PAH: variants seen among roughly 807,000 people sequenced by gnomAD.
PAH encodes phenylalanine-4-hydroxylase.
In PAH, 64 loss-of-function variants were observed where a neutral mutation model predicts 62.0. That is an observed-to-expected ratio of 1.03 (90% CI 0.84 to 1.27). The LOEUF is 1.27. Ranked by LOEUF, PAH falls within the 50% of genes most tolerant of loss-of-function variation. The pLI, the probability that PAH is intolerant of heterozygous loss-of-function variation, is 0.00. For missense variants in PAH, 579 were observed against 542.8 expected, an observed-to-expected ratio of 1.07 and a Z score of -0.66; for synonymous variants, 195 against 196.2, an observed-to-expected ratio of 0.99 and a Z score of 0.05.
chr12:102,926,060 C>T (rs899362113), intron 1 of PAH, among the ~76,000 whole-genome samples: 4 of 151,370 alleles, frequency 2.6e-5, no homozygotes, highest in African/African-American at 9.8e-5. Context: ...AAGTGCCAGG[C>T]ACTGTTTATG....
At chr12:102,862,448 C>T (rs1565851506) in intron 5 of PAH, among the ~76,000 whole-genome samples, 1 of 152,022 alleles carries the variant, frequency 6.6e-6, no homozygotes, top group Non-Finnish European at 1.5e-5. Flanking sequence ...CTAATGGGTG[C>T]TAGGCTTAAT....
upstream of PAH, among the ~76,000 whole-genome samples, chr12:102,951,640 C>T (rs1033567915): frequency 6.6e-6 from 1 of 152,130 alleles, no homozygotes; most frequent in Non-Finnish European, 1.5e-5. Flanking sequence ...TCCCCACCCC[C>T]GAGTTCCAAG....
chr12:102,840,104 A>T (rs1182127698), intron 12 of PAH, among the ~76,000 whole-genome samples: 2 of 152,140 alleles, frequency 1.3e-5, no homozygotes, highest in Non-Finnish European at 2.9e-5. Context: ...CGTAGAAGGG[A>T]TGGAGAGGCG....
intron 4 of PAH, among the ~76,000 whole-genome samples, chr12:102,869,008 A>G (rs76134947): frequency 0.017 from 2,648 of 152,308 alleles, 89 homozygotes; most frequent in African/African-American, 0.06. Context: ...ATTTGCCTAA[A>G]GGCCCAAAAC....
intron 1 of PAH, among the ~76,000 whole-genome samples, chr12:102,932,239 G>T (rs1878906164): frequency 6.6e-6 from 1 of 152,150 alleles, no homozygotes; most frequent in African/African-American, 2.4e-5. Context: ...CCATTACAGG[G>T]CCTCTGCTCT....
Position 102,872,307 on chromosome 12 carries a change from C to T in PAH, c.441+5155G>A, listed in dbSNP as rs1370788398. Among the ~76,000 whole-genome samples the T allele has an allele frequency of 2.0e-5, 3 of 152,138 alleles. No individual in the cohort carries two copies. The South Asian group carries it at 6.2e-4, about 32-fold the overall frequency. On this transcript the variant is annotated intron_variant, in intron 4 of 12. Coordinates refer to ENST00000553106, the MANE Select transcript of PAH (RefSeq NM_000277.3). ...TTCTATTTTCCGATGACCACGTGTA[C>T]TTTCGTCTCTTGTATCTTTTCTGCA...
At chr12:102,920,539 G>C (rs1262542260), upstream of PAH, among the ~76,000 whole-genome samples, 1 of 152,180 alleles carries the variant, frequency 6.6e-6, no homozygotes, top group Non-Finnish European at 1.5e-5. Flanking sequence ...GCAGAAGGTT[G>C]AGTTAATCAT....
At chr12:102,866,565 C>T (rs2136663106) in intron 5 of PAH, 31 bp downstream of exon 5, 1 of 1,583,552 alleles carries the variant, frequency 6.3e-7, no homozygotes, top group East Asian at 2.2e-5. Context: ...GTGTTTTTCT[C>T]TCTTCCCCTC....
intron 3 of PAH, among the ~76,000 whole-genome samples, chr12:102,888,448 G>A (rs1414387365): frequency 6.6e-6 from 1 of 151,384 alleles, no homozygotes; most frequent in Non-Finnish European, 1.5e-5. Context: ...GGAAAACACT[G>A]GGTGTGGCAT....
chr12:102,876,039 GA>G (rs1272143662), intron 4 of PAH, among the ~76,000 whole-genome samples: 1 of 141,170 alleles, frequency 7.1e-6, no homozygotes, highest in Non-Finnish European at 1.5e-5. Context: ...GATAATAGGT[GA>G]TTTTTTTTTT....
chr12:102,907,390 C>T (rs1878018932), intron 2 of PAH, among the ~76,000 whole-genome samples: 1 of 152,142 alleles, frequency 6.6e-6, no homozygotes, highest in Admixed American at 6.5e-5. Context: ...GAGTTCAATG[C>T]CATTTCCACT....
chr12:102,926,643 T>C (rs2136743859), intron 1 of PAH, among the ~76,000 whole-genome samples: 1 of 152,136 alleles, frequency 6.6e-6, no homozygotes, highest in African/African-American at 2.4e-5. Context: ...CAAGAACTTA[T>C]CAATAATTTT....
At chr12:102,861,149 C>A (rs545993280) in intron 5 of PAH, among the ~76,000 whole-genome samples, 3 of 151,672 alleles carry the variant, frequency 2.0e-5, no homozygotes, top group South Asian at 4.2e-4. Context: ...AAAAAAACAA[C>A]CCCATCAAAA....
In PAH at chr12:102,899,837, C is replaced by T. The variant is rs541417287; in HGVS notation, c.169-4919G>A. ...TCCCGCCACTGCACTCCAGCCTGGG[C>T]GACAGAGCGAGACTCCGTCTCAAAA... On this transcript the variant is annotated intron_variant, in intron 2 of 12. Coordinates refer to ENST00000553106, the MANE Select transcript of PAH (RefSeq NM_000277.3). Among the ~76,000 whole-genome samples the T allele has an allele frequency of 3.9e-4, 32 of 83,090 alleles. No homozygotes were observed. The Admixed American group carries it at 4.6e-3, about 12-fold the overall frequency. 54.5% of individuals were successfully genotyped at this position (83,090 alleles called of 152,430 possible).
In PAH at chr12:102,928,963, C is replaced by T. The variant is rs983922751; in HGVS notation, c.-95-11738G>A. ...TTTATATGGTTTGGCTGTGCCACCA[C>T]CCAAATTGGGGCGTTCTCATGCCCC... On this transcript the variant is annotated intron_variant, in intron 1 of 3. Coordinates refer to the PAH transcript ENST00000546844. 1.3e-4 allele frequency among the ~76,000 whole-genome samples: 20 copies of T among 152,314 alleles called. 1 individual carries two copies. In the South Asian group the frequency reaches 3.5e-3, roughly 27 times the overall value.
At chr12:102,895,513 T>C (rs1877461115) in intron 2 of PAH, among the ~76,000 whole-genome samples, 1 of 152,160 alleles carries the variant, frequency 6.6e-6, no homozygotes, top group Non-Finnish European at 1.5e-5. Flanking sequence ...TGGCACATAG[T>C]AAATGCTCAG....
chr12:102,848,987 G>C (rs1875025858), intron 8 of PAH, among the ~76,000 whole-genome samples: 1 of 152,118 alleles, frequency 6.6e-6, no homozygotes. Context: ...AGACTGGAGA[G>C]GCTGAGTGTA....
chr12:102,911,281 T>C (rs879614832), intron 2 of PAH, among the ~76,000 whole-genome samples: 3 of 152,190 alleles, frequency 2.0e-5, no homozygotes, highest in Non-Finnish European at 2.9e-5. Context: ...TTAGTACTTT[T>C]AACAGCATTA....
At chr12:102,918,088 A>C (rs1355262633), upstream of PAH, among the ~76,000 whole-genome samples, 3 of 152,176 alleles carry the variant, frequency 2.0e-5, no homozygotes, top group Admixed American at 1.3e-4. Context: ...TAAACATATA[A>C]ATAAGTTTAG....
Sources: gnomAD v4.1 joint callset for allele counts (sites outside exome capture counted in the v4.1 genomes callset) on GRCh38, gnomAD v4.1.1 for gene constraint, MANE v1.5 for transcripts, NCBI Gene and HGNC (gene_info 2026-07-23, HGNC 2026-07-21) for gene names.